Variants in BMPR1A observed in about 807,000 individuals in gnomAD.
BMPR1A encodes the protein bone morphogenetic protein receptor type 1A.
BMPR1A carries 7 observed loss-of-function variants against 66.0 expected under a neutral mutation model. The ratio of observed to expected loss-of-function variants is 0.11; its 90% CI spans 0.06 to 0.20. The LOEUF (loss-of-function observed/expected upper bound fraction) is 0.20. Ranked by LOEUF, BMPR1A falls within the 10% of genes least tolerant of loss-of-function variation. The pLI is 1.00. For missense variants in BMPR1A, 408 were observed against 669.1 expected (o/e 0.61, Z 4.31); for synonymous variants, 200 against 229.7 (o/e 0.87, Z 1.17).
chr10:86,932,233 C>G (rs1242290884), downstream of BMPR1A: 1 of 152,116 alleles, frequency 6.6e-6, no homozygotes, highest in East Asian at 1.9e-4. Context: ...CCCCTTTATC[C>G]CTAAATACTT....
chr10:86,924,103 G>A lies in BMPR1A; in HGVS notation c.*384G>A, dbSNP rs1251125495. 2.7e-6 allele frequency: 1 copy of A among 371,678 alleles called. No homozygotes were observed. The highest frequency in any genetic ancestry group is 2.0e-5 in the African/African-American group (1 of 49,400). The allele number at this position is 371,678 out of a possible 1,614,324, so 23.0% of individuals were successfully genotyped here. A position where few individuals can be genotyped will look rare whatever the true frequency, so the allele number is the denominator to read the frequency against. On this transcript the variant is annotated 3_prime_UTR_variant, in exon 13 of 13. Transcript: ENST00000372037. The stretch of plus-strand genomic sequence containing the variant: ...AAGATAAATGAGCGCAGCAGAGATG[G>A]AGAAATAGACTTTGCCTTTTACCTG...
chr10:86,782,651 A>T (rs1348865111), intron 1 of BMPR1A, among the ~76,000 whole-genome samples: 2 of 151,876 alleles, frequency 1.3e-5, no homozygotes, highest in Non-Finnish European at 2.9e-5. Context: ...TCTTCTTTGT[A>T]AAAATGTCTA....
intron 1 of BMPR1A, among the ~76,000 whole-genome samples, chr10:86,796,596 A>G (rs968962256): frequency 2.0e-5 from 3 of 148,628 alleles, no homozygotes; most frequent in African/African-American, 7.5e-5. Flanking sequence ...TTGTTTTTTG[A>G]GACAGAATCT....
intron 2 of BMPR1A, among the ~76,000 whole-genome samples, chr10:86,845,784 T>G (rs1842476467): frequency 6.6e-6 from 1 of 151,952 alleles, no homozygotes; most frequent in Non-Finnish European, 1.5e-5. Context: ...GATCATGAGG[T>G]CAGGAGATCG....
At chr10:86,836,426 C>T (rs1842348129) in intron 1 of BMPR1A, among the ~76,000 whole-genome samples, 2 of 152,142 alleles carry the variant, frequency 1.3e-5, no homozygotes, top group South Asian at 4.1e-4. Flanking sequence ...ACTTGATTTT[C>T]CTTGGCTGGT....
intron 1 of BMPR1A, among the ~76,000 whole-genome samples, chr10:86,767,050 G>A (rs1317678437): frequency 1.3e-5 from 2 of 151,984 alleles, no homozygotes; most frequent in South Asian, 2.1e-4. Context: ...TCTTGATCTC[G>A]TGACCTCGTG....
intron 1 of BMPR1A, among the ~76,000 whole-genome samples, chr10:86,796,269 T>A (rs960249607): frequency 1.3e-5 from 2 of 152,156 alleles, no homozygotes; most frequent in African/African-American, 4.8e-5. Flanking sequence ...TATTTATAAA[T>A]ATGTGACTGG....
chr10:86,804,536 C>T (rs1273639844), intron 1 of BMPR1A, among the ~76,000 whole-genome samples: 1 of 152,084 alleles, frequency 6.6e-6, no homozygotes, highest in Non-Finnish European at 1.5e-5. Context: ...CCCAGCCACA[C>T]ATGATTTTCT....
chr10:86,757,428 G>T (rs1383872673), intron 1 of BMPR1A, among the ~76,000 whole-genome samples: 1 of 152,152 alleles, frequency 6.6e-6, no homozygotes, highest in East Asian at 1.9e-4. Flanking sequence ...CTGTTGTCCT[G>T]CGCGGCCTCC....
intron 2 of BMPR1A, among the ~76,000 whole-genome samples, chr10:86,870,582 C>G (rs1842842821): frequency 6.6e-6 from 1 of 152,054 alleles, no homozygotes; most frequent in South Asian, 2.1e-4. Flanking sequence ...ACCACCATGC[C>G]CAGCTAATTT....
chr10:86,855,349 GGACACACCTGCACT>G (rs1842626558), intron 2 of BMPR1A: 1 of 852,298 alleles, frequency 1.2e-6, no homozygotes, highest in African/African-American at 1.7e-5. Flanking sequence ...TGCCACTTCA[GGACACACCTGCACT>G]GAACTAGACA....
intron 1 of BMPR1A, among the ~76,000 whole-genome samples, chr10:86,795,348 G>A (rs1197695956): frequency 6.6e-6 from 1 of 151,738 alleles, no homozygotes; most frequent in Non-Finnish European, 1.5e-5. Context: ...TAATTGGCTT[G>A]TCTAAGTACT....
upstream of BMPR1A, chr10:86,756,181 G>C (rs1847856586): frequency 6.6e-6 from 1 of 152,164 alleles, no homozygotes; most frequent in Admixed American, 6.5e-5. Context: ...AGGCCGGAGC[G>C]GGCGTCCAGG....
chr10:86,923,141 T>G (rs532544920), intron 11 of BMPR1A, among the ~76,000 whole-genome samples: 1 of 151,364 alleles, frequency 6.6e-6, no homozygotes, highest in African/African-American at 2.5e-5. Context: ...TGATATGCCC[T>G]TTGTCGATGG....
intron 3 of BMPR1A, among the ~76,000 whole-genome samples, chr10:86,884,178 G>A (rs1843033035): frequency 6.6e-6 from 1 of 151,414 alleles, no homozygotes; most frequent in South Asian, 2.1e-4. Context: ...AGCCTGCTGG[G>A]TTCTTAAGCG....
At chr10:86,915,285 C>A (rs1160628502) in intron 8 of BMPR1A, among the ~76,000 whole-genome samples, 1 of 152,070 alleles carries the variant, frequency 6.6e-6, no homozygotes, top group Admixed American at 6.5e-5. Flanking sequence ...CCCGCCTCGG[C>A]CTCCCAAAGT....
At chr10:86,797,596 C>T (rs112551890) in intron 1 of BMPR1A, among the ~76,000 whole-genome samples, 11,450 of 151,920 alleles carry the variant, frequency 0.075, 524 homozygotes, top group Non-Finnish European at 0.081. Flanking sequence ...GAACTCCTGA[C>T]CTCAAGTGAT....
chr10:86,835,263 A>AC (rs1422019925), intron 1 of BMPR1A, among the ~76,000 whole-genome samples: 2 of 148,286 alleles, frequency 1.3e-5, no homozygotes, highest in African/African-American at 4.9e-5. Flanking sequence ...AAAAAAAAAA[A>AC]CAGAAAAAAA....
At chr10:86,892,504 G>A (rs1843166867) in intron 5 of BMPR1A, among the ~76,000 whole-genome samples, 1 of 152,106 alleles carries the variant, frequency 6.6e-6, no homozygotes, top group South Asian at 2.1e-4. Flanking sequence ...GTGCAGTGCT[G>A]CGATCTCCGC....
Sources: gnomAD v4.1 joint callset for allele counts (sites outside exome capture counted in the v4.1 genomes callset) on GRCh38, gnomAD v4.1.1 for gene constraint, MANE v1.5 for transcripts, NCBI Gene and HGNC (gene_info 2026-07-23, HGNC 2026-07-21) for gene names.